The following CREBBP variants were observed in gnomAD, a reference collection of about 807,000 sequenced individuals.
CREBBP encodes CREB binding lysine acetyltransferase, also known as CREB-binding protein.
Under a neutral mutation model 265.0 loss-of-function variants are expected in CREBBP, and 19 were observed. That is an observed-to-expected ratio of 0.07 (90% CI 0.05 to 0.11). CREBBP has a LOEUF of 0.11. Among genes scored for constraint, CREBBP ranks in the 10% least tolerant of loss-of-function variants. The pLI is 1.00. For missense variants in CREBBP, 2,525 were observed against 3,219.0 expected (o/e 0.78, Z 5.22); for synonymous variants, 1,457 against 1,223.7 (o/e 1.19, Z -3.98).
At chr16:3,734,254 C>T (rs1022482702) in intron 28 of CREBBP, among the ~76,000 whole-genome samples, 3 of 152,158 alleles carry the variant, frequency 2.0e-5, no homozygotes, top group East Asian at 3.9e-4. Context: ...CGCACCAGCC[C>T]TCACTAAGGC....
chr16:3,762,837 C>T (rs1186597369), intron 16 of CREBBP, among the ~76,000 whole-genome samples: 1 of 150,926 alleles, frequency 6.6e-6, no homozygotes, highest in African/African-American at 2.4e-5. Flanking sequence ...TGCAGTGGCG[C>T]GATCTCGGCT....
chr16:3,735,363 C>G (rs1459452852), intron 28 of CREBBP, among the ~76,000 whole-genome samples: 2 of 152,148 alleles, frequency 1.3e-5, no homozygotes, highest in Non-Finnish European at 2.9e-5. Flanking sequence ...ACGGCGCAAT[C>G]TAGGCTCACT....
At chr16:3,855,425 C>G (rs1050624759) in intron 1 of CREBBP, among the ~76,000 whole-genome samples, 1 of 152,112 alleles carries the variant, frequency 6.6e-6, no homozygotes, top group Non-Finnish European at 1.5e-5. Context: ...CCACCGCACC[C>G]GGCTAACGTT....
chr16:3,838,989 T>G (rs2054511594), intron 2 of CREBBP, among the ~76,000 whole-genome samples: 1 of 152,182 alleles, frequency 6.6e-6, no homozygotes, highest in Admixed American at 6.5e-5. Flanking sequence ...CTCTGGAAGG[T>G]TTTCAGTAAA....
intron 1 of CREBBP, among the ~76,000 whole-genome samples, chr16:3,870,951 T>A (rs2141583862): frequency 6.7e-6 from 1 of 148,212 alleles, no homozygotes; most frequent in East Asian, 2.0e-4. Context: ...AGGATGGGAG[T>A]TCAAGACCAG....
At chr16:3,774,143 G>A (rs546987967) in intron 12 of CREBBP, among the ~76,000 whole-genome samples, 172 of 152,294 alleles carry the variant, frequency 1.1e-3, no homozygotes, top group African/African-American at 4.0e-3. Context: ...TCTCTCAAAT[G>A]AGCCAGCTTC....
In CREBBP at chr16:3,768,504, T is replaced by C. The variant is rs544158294; in HGVS notation, c.3061-595A>G. 7.9e-5 allele frequency among the ~76,000 whole-genome samples: 12 copies of C among 152,290 alleles called. No homozygotes were observed. The East Asian group carries it at 1.9e-3, about 25-fold the overall frequency. On this transcript the variant is annotated intron_variant, in intron 15 of 30. Coordinates refer to ENST00000262367, the MANE Select transcript of CREBBP (RefSeq NM_004380.3). Reference sequence around the variant, plus strand: ...TAAAAATTGCACATACTCAGATTTTTCACTACAGATATTTCTAATTTGGAA... The same window carrying C: ...TAAAAATTGCACATACTCAGATTTTCCACTACAGATATTTCTAATTTGGAA...
intron 20 of CREBBP, among the ~76,000 whole-genome samples, chr16:3,749,992 C>G (rs2052436148): frequency 6.6e-6 from 1 of 152,068 alleles, no homozygotes; most frequent in Non-Finnish European, 1.5e-5. Flanking sequence ...CCTTAACCTC[C>G]TAGGCTCAAG....
chr16:3,728,323 G>A lies in CREBBP; in HGVS notation c.6724C>T (p.Pro2242Ser), dbSNP rs2051803941. Residue 2242 changes from proline (P) to serine (S), a missense_variant, in exon 31 of 31, where the codon CCG becomes TCG. Transcript: ENST00000262367. This position sits in a 1 kb window ranked among gnomAD's most constrained non-coding sequence, Gnocchi z 8.7. The part of the protein sequence containing the change: ...QQPQGPGGYP[P>S]AMQQQQRMQQ... ...ATGCGCTGCTGCTGCTGCATGGCCG[G>A]TGGGTAGCCTCCGGGTCCTTGAGGC... 6.2e-7 allele frequency: 1 copy of A among 1,612,672 alleles called. No individual in the cohort carries two copies. The highest frequency in any genetic ancestry group is 8.5e-7 in the Non-Finnish European group (1 of 1,179,714).
chr16:3,846,708 C>A (rs527295955), intron 2 of CREBBP, among the ~76,000 whole-genome samples: 1 of 152,198 alleles, frequency 6.6e-6, no homozygotes, highest in Admixed American at 6.5e-5. Context: ...GGAACATCTA[C>A]ACTCACAAGA....
intron 1 of CREBBP, 82 bp downstream of exon 1, chr16:3,879,750 C>G (rs914398285): frequency 7.0e-7 from 1 of 1,432,818 alleles, no homozygotes; most frequent in African/African-American, 1.4e-5. Context: ...TCGGTATCCG[C>G]GACCACGACC....
chr16:3,728,645 GTGCATGCCAGGCTGGGGT>G lies in CREBBP; in HGVS notation c.6384_6401del (p.Gln2128_Met2133del), dbSNP rs772003652. ...TCAGGTTCTGCAGGCTGGGCTGCTG[GTGCATGCCAGGCTGGGGT>G]TGCATGCCGGGCTGGGACTGGAGGC... On this transcript the variant is annotated inframe_deletion, in exon 31 of 31. Transcript: ENST00000262367. This position sits in a 1 kb window ranked among gnomAD's most constrained non-coding sequence, Gnocchi z 8.7. 56 of 1,613,632 alleles carry G rather than the reference GTGCATGCCAGGCTGGGGT, an allele frequency of 3.5e-5. No homozygotes were observed. The highest frequency in any genetic ancestry group is 2.3e-4 in the Admixed American group (14 of 60,000).
intron 16 of CREBBP, among the ~76,000 whole-genome samples, chr16:3,766,232 C>T (rs1200500983): frequency 6.6e-6 from 1 of 152,130 alleles, no homozygotes; most frequent in Non-Finnish European, 1.5e-5. Context: ...GGTTCAATGT[C>T]GCAACTAACC....
chr16:3,857,742 G>A (rs2054993586), intron 1 of CREBBP, among the ~76,000 whole-genome samples: 3 of 152,204 alleles, frequency 2.0e-5, no homozygotes, highest in African/African-American at 4.8e-5. Flanking sequence ...TTCACCAGCC[G>A]ATATCAAATA....
At position 3,880,077 on chromosome 16, in the gene CREBBP, G is replaced by A. The variant is rs2055498112; in HGVS notation, c.-161C>T. The A allele has an allele frequency of 8.4e-6, 3 of 357,704 alleles. No homozygotes were observed. The highest frequency in any genetic ancestry group is 5.4e-5 in the Admixed American group (1 of 18,666). 22.2% of individuals were successfully genotyped at this position (357,704 alleles called of 1,614,324 possible). A position where few individuals can be genotyped will look rare whatever the true frequency, so the allele number is the denominator to read the frequency against. On this transcript the variant is annotated 5_prime_UTR_variant, in exon 1 of 31. Coordinates refer to ENST00000262367, the MANE Select transcript of CREBBP (RefSeq NM_004380.3). The stretch of plus-strand genomic sequence containing the variant: ...AGAGGGAGGGCGCAGGCCGGGTGGG[G>A]GAGGCGGCGGCCAAATCTCAGCCAC...
At chr16:3,877,991 T>C (rs1294778136) in intron 1 of CREBBP, among the ~76,000 whole-genome samples, 1 of 152,240 alleles carries the variant, frequency 6.6e-6, no homozygotes, top group Non-Finnish European at 1.5e-5. Flanking sequence ...CATCCAATAA[T>C]GGACACTACT....
chr16:3,861,920 A>T (rs2055083547), intron 1 of CREBBP, among the ~76,000 whole-genome samples: 1 of 152,174 alleles, frequency 6.6e-6, no homozygotes, highest in Non-Finnish European at 1.5e-5. Context: ...ATCTTGAGTA[A>T]GTCTTGCCCC....
chr16:3,757,214 T>C (rs1258683346), intron 19 of CREBBP, 74 bp downstream of exon 19: 2 of 1,265,276 alleles, frequency 1.6e-6, no homozygotes, highest in African/African-American at 3.0e-5. Context: ...AGGAAAGAAA[T>C]AATGTACACA....
intron 3 of CREBBP, among the ~76,000 whole-genome samples, chr16:3,806,107 C>T (rs1035386254): frequency 6.6e-6 from 1 of 152,170 alleles, no homozygotes. Context: ...TGAGACACAG[C>T]AATGGAATGA....
Sources: allele counts gnomAD v4.1 joint callset (sites outside exome capture counted in the v4.1 genomes callset), GRCh38; gene constraint gnomAD v4.1.1; non-coding constraint Gnocchi (gnomAD v3.1); transcripts MANE v1.5; gene names NCBI Gene and HGNC (gene_info 2026-07-23, HGNC 2026-07-21).